The following TMEM135 variants were observed in gnomAD, a reference collection of about 807,000 sequenced individuals.
The protein encoded by TMEM135 is transmembrane protein 135.
Under a neutral mutation model 60.3 loss-of-function variants are expected in TMEM135, and 30 were observed. The ratio of observed to expected loss-of-function variants is 0.50; its 90% confidence interval spans 0.37 to 0.68. TMEM135 has a LOEUF of 0.68. TMEM135 is among the 30% of genes least tolerant of loss of function. The probability of loss-of-function intolerance (pLI) is 0.00; values close to 1 mark genes in which losing one functional copy is unlikely to be tolerated. For synonymous variants in TMEM135, 190 were observed against 186.7 expected, an observed-to-expected ratio of 1.02 and a Z score of -0.14; for missense variants, 468 against 548.8, an observed-to-expected ratio of 0.85 and a Z score of 1.47.
chr11:87,297,077 A>G (rs1942359263), intron 7 of TMEM135, among the ~76,000 whole-genome samples: 1 of 152,134 alleles, frequency 6.6e-6, no homozygotes, highest in African/African-American at 2.4e-5. Context: ...AGTATTTGAG[A>G]CACTGAAAAA....
At position 87,157,360 on chromosome 11, in the gene TMEM135, G is replaced by A; in HGVS notation, c.416G>A (p.Arg139Lys). 6.2e-7 allele frequency: 1 copy of A among 1,612,742 alleles called. No individual in the cohort carries two copies. The highest frequency in any genetic ancestry group is 8.5e-7 in the Non-Finnish European group (1 of 1,179,402). Reference protein sequence around the residue: ...MANLATETLFRMGVARGTITT... With the variant: ...MANLATETLFKMGVARGTITT... ...TTACAGGCCACAGAAACACTATTCA[G>A]AATGGGTGTAGCAAGAGGAACCATC... The change falls in exon 5 of 15, where the codon AGA becomes AAA. Residue 139 changes from arginine (R) to lysine (K), a missense_variant. Transcript: ENST00000305494.
chr11:87,257,224 T>C (rs1057229238), intron 6 of TMEM135, among the ~76,000 whole-genome samples: 3 of 152,210 alleles, frequency 2.0e-5, no homozygotes, highest in African/African-American at 7.2e-5. Flanking sequence ...ACTTTACTGA[T>C]ACAGATGCTC....
intron 5 of TMEM135, among the ~76,000 whole-genome samples, chr11:87,172,422 GT>G (rs529590902): frequency 4.6e-4 from 67 of 145,460 alleles, no homozygotes; most frequent in South Asian, 6.5e-4. Flanking sequence ...AGAAAAGTAG[GT>G]TTTTTTTTTT....
intron 1 of TMEM135, among the ~76,000 whole-genome samples, chr11:87,060,733 TC>T (rs1209830843): frequency 6.6e-6 from 1 of 151,838 alleles, no homozygotes; most frequent in Non-Finnish European, 1.5e-5. Flanking sequence ...AACTCTGCCT[TC>T]CGGGGTCATG....
At chr11:87,119,481 T>C (rs892673920) in intron 4 of TMEM135, among the ~76,000 whole-genome samples, 1 of 152,200 alleles carries the variant, frequency 6.6e-6, no homozygotes, top group African/African-American at 2.4e-5. Context: ...GGAGGACAGA[T>C]CACTTGAGGC....
At position 87,156,045 on chromosome 11, in the gene TMEM135, A is replaced by G. The variant is rs1033771872; in HGVS notation, c.397-1296A>G. 2.6e-5 allele frequency among the ~76,000 whole-genome samples: 4 copies of G among 152,160 alleles called. No individual in the cohort carries two copies. The South Asian group carries it at 8.3e-4, about 32-fold the overall frequency. ...TATGCTTAATTATAACTATATTTCT[A>G]TTCAAAATTCTTGTTAAGCCTGTGA... On this transcript the variant is annotated intron_variant, in intron 4 of 14. Transcript: ENST00000305494.
At chr11:87,299,739 A>G (rs984667414) in intron 7 of TMEM135, among the ~76,000 whole-genome samples, 1 of 152,218 alleles carries the variant, frequency 6.6e-6, no homozygotes, top group Non-Finnish European at 1.5e-5. Flanking sequence ...ATGTTGCAAA[A>G]GAGAAGTGTA....
intron 6 of TMEM135, among the ~76,000 whole-genome samples, chr11:87,284,386 T>C (rs1367575088): frequency 6.6e-6 from 1 of 152,234 alleles, no homozygotes. Flanking sequence ...CCTTCCTAGT[T>C]TGGACTTTAA....
At chr11:87,223,583 G>T (rs1201683661) in intron 5 of TMEM135, among the ~76,000 whole-genome samples, 1 of 151,998 alleles carries the variant, frequency 6.6e-6, no homozygotes, top group Non-Finnish European at 1.5e-5. Flanking sequence ...TCTGGGCATG[G>T]GGGGATCACC....
intron 4 of TMEM135, among the ~76,000 whole-genome samples, chr11:87,114,461 G>C (rs775277030): frequency 6.6e-6 from 1 of 152,132 alleles, no homozygotes; most frequent in African/African-American, 2.4e-5. Flanking sequence ...ACAACAAGCT[G>C]TATAGGAAGG....
At chr11:87,205,050 T>C (rs540250007) in intron 5 of TMEM135, among the ~76,000 whole-genome samples, 1 of 152,244 alleles carries the variant, frequency 6.6e-6, no homozygotes, top group Non-Finnish European at 1.5e-5. Context: ...TATTGTTTAA[T>C]ACTAATTATT....
At chr11:87,121,252 A>G (rs1423134389) in intron 4 of TMEM135, 2 of 152,144 alleles carry the variant, frequency 1.3e-5, no homozygotes, top group African/African-American at 4.8e-5. Flanking sequence ...TTGTTCATTT[A>G]TTTATTCTTT....
Position 87,171,766 on chromosome 11 carries a change from G to A in TMEM135, c.462+14360G>A, listed in dbSNP as rs568954211. ...CTTTTTGGCACGAGGGACCGGCTTC[G>A]TCGAAGACAATTTTTCCACGGGGGG... On this transcript the variant is annotated intron_variant, in intron 5 of 14. Coordinates refer to ENST00000305494, the MANE Select transcript of TMEM135 (RefSeq NM_022918.4). Among the ~76,000 whole-genome samples, 6 of 152,196 alleles carry A rather than the reference G, an allele frequency of 3.9e-5. No individual in the cohort carries two copies. The South Asian group carries it at 1.2e-3, about 32-fold the overall frequency.
chr11:87,152,550 A>C (rs1051925301), intron 4 of TMEM135, among the ~76,000 whole-genome samples: 1 of 152,096 alleles, frequency 6.6e-6, no homozygotes, highest in Non-Finnish European at 1.5e-5. Flanking sequence ...GCGATTCTCC[A>C]GCCTCAGCCT....
At chr11:87,068,403 C>T (rs117093730) in intron 2 of TMEM135, among the ~76,000 whole-genome samples, 2,910 of 151,832 alleles carry the variant, frequency 0.019, 80 homozygotes, top group East Asian at 0.061. Context: ...TTATTTTTTT[C>T]CTGTTGATTG....
At chr11:87,313,827 T>C (rs1227976785) in intron 11 of TMEM135, among the ~76,000 whole-genome samples, 1 of 151,880 alleles carries the variant, frequency 6.6e-6, no homozygotes, top group Non-Finnish European at 1.5e-5. Flanking sequence ...TTGAAAATTC[T>C]ATTTTTACCA....
At chr11:87,284,513 G>T (rs1304235788) in intron 6 of TMEM135, among the ~76,000 whole-genome samples, 1 of 147,232 alleles carries the variant, frequency 6.8e-6, no homozygotes, top group Non-Finnish European at 1.5e-5. Context: ...CCAGAAAAAA[G>T]TGCACAATTA....
At chr11:87,067,164 A>AATAT (rs375554127) in intron 1 of TMEM135, among the ~76,000 whole-genome samples, 4 of 145,656 alleles carry the variant, frequency 2.7e-5, no homozygotes, top group Admixed American at 1.4e-4. Flanking sequence ...AAATTTACTA[A>AATAT]ATATATATAT....
At chr11:87,042,393 G>A (rs565849578) in intron 1 of TMEM135, among the ~76,000 whole-genome samples, 3 of 152,316 alleles carry the variant, frequency 2.0e-5, no homozygotes, top group Admixed American at 2.0e-4. Context: ...TTTATGGCCA[G>A]TTTTTACATG....
Sources: gnomAD v4.1 joint callset for allele counts (sites outside exome capture counted in the v4.1 genomes callset) on GRCh38, gnomAD v4.1.1 for gene constraint, MANE v1.5 for transcripts, NCBI Gene and HGNC (gene_info 2026-07-23, HGNC 2026-07-21) for gene names.